The following CTNNA2 variants were observed in gnomAD, a reference collection of about 807,000 sequenced individuals.
CTNNA2 encodes the protein catenin alpha-2.
In CTNNA2, 42 loss-of-function variants were observed where a neutral mutation model predicts 101.0. The observed-to-expected ratio is 0.42, with a 90% CI of 0.32 to 0.54. The LOEUF (loss-of-function observed/expected upper bound fraction) is 0.54. Ranked by LOEUF, CTNNA2 falls within the 20% of genes least tolerant of loss-of-function variation. CTNNA2 has a pLI of 0.14. For synonymous variants in CTNNA2, 450 were observed against 456.4 expected, an observed-to-expected ratio of 0.99 and a Z score of 0.18; for missense variants, 871 against 1,223.1, an observed-to-expected ratio of 0.71 and a Z score of 4.29.
rs529711522 is a variant in CTNNA2, at chr2:80,562,846, A to C, written c.1741+6953A>C. ...TGTATAACATGTTCCATTTATTTTC[A>C]AAAAAGGTAAATTATATAACACAGG... On this transcript the variant is annotated intron_variant, in intron 12 of 18. Transcript: ENST00000402739. 2.3e-3 allele frequency among the ~76,000 whole-genome samples: 349 copies of C among 152,266 alleles called. 1 individual carries two copies. Among genetic ancestry groups the C allele is most frequent in the African/African-American group, 7.9e-3 (330 of 41,546 alleles).
intron 2 of CTNNA2, among the ~76,000 whole-genome samples, chr2:79,698,254 G>A (rs1684769242): frequency 6.6e-6 from 1 of 151,872 alleles, no homozygotes; most frequent in African/African-American, 2.4e-5. Flanking sequence ...TAATATTTTG[G>A]AATTGTTCAA....
chr2:79,658,112 TA>T (rs1681750234), intron 2 of CTNNA2, among the ~76,000 whole-genome samples: 1 of 151,984 alleles, frequency 6.6e-6, no homozygotes, highest in Non-Finnish European at 1.5e-5. Flanking sequence ...TAAGGTCAAT[TA>T]TTTTTTTCTG....
intron 7 of CTNNA2, among the ~76,000 whole-genome samples, chr2:80,273,908 A>C (rs1673696594): frequency 6.6e-6 from 1 of 151,772 alleles, no homozygotes; most frequent in South Asian, 2.1e-4. Context: ...TTTCTCTCCC[A>C]CTAGAATGAA....
chr2:80,375,510 G>A (rs1675858356), intron 7 of CTNNA2, among the ~76,000 whole-genome samples: 1 of 151,490 alleles, frequency 6.6e-6, no homozygotes, highest in South Asian at 2.1e-4. Flanking sequence ...CAGACTTATA[G>A]CTGGTTTTAC....
At chr2:80,230,758 G>A (rs1433724325) in intron 7 of CTNNA2, among the ~76,000 whole-genome samples, 1 of 152,148 alleles carries the variant, frequency 6.6e-6, no homozygotes, top group South Asian at 2.1e-4. Flanking sequence ...AAATCACAGA[G>A]AATTCCAGGG....
At chr2:79,325,910 A>T (rs1423304201) in intron 3 of CTNNA2, among the ~76,000 whole-genome samples, 1 of 152,188 alleles carries the variant, frequency 6.6e-6, no homozygotes, top group Admixed American at 6.5e-5. Flanking sequence ...ATGTTTAGGA[A>T]TGTGGGTGTG....
intron 1 of CTNNA2, among the ~76,000 whole-genome samples, chr2:79,544,529 A>AT (rs1673615095): frequency 6.6e-6 from 1 of 152,186 alleles, no homozygotes; most frequent in Non-Finnish European, 1.5e-5. Flanking sequence ...AGCATAGAAG[A>AT]TAGGTAAGAC....
chr2:79,751,485 A>G (rs1020576247), intron 3 of CTNNA2, among the ~76,000 whole-genome samples: 5 of 149,150 alleles, frequency 3.4e-5, no homozygotes, highest in African/African-American at 4.9e-5. Flanking sequence ...AGCTCCAGAT[A>G]GGCGGGAGGC....
chr2:79,743,040 C>T (rs72927440), intron 2 of CTNNA2, among the ~76,000 whole-genome samples: 14,649 of 152,138 alleles, frequency 0.096, 806 homozygotes, highest in African/African-American at 0.12. Context: ...TTGGAGTAAA[C>T]CTCAGAAGCT....
intron 7 of CTNNA2, among the ~76,000 whole-genome samples, chr2:79,988,581 A>AAGT (rs1691939332): frequency 6.6e-6 from 1 of 152,096 alleles, no homozygotes; most frequent in African/African-American, 2.4e-5. Context: ...ATTTAACCTC[A>AAGT]AGTAATTCTG....
intron 7 of CTNNA2, among the ~76,000 whole-genome samples, chr2:80,174,739 T>C (rs1705288922): frequency 6.6e-6 from 1 of 152,162 alleles, no homozygotes; most frequent in Admixed American, 6.6e-5. Context: ...GTTATCTTTC[T>C]CTCTTTTCCT....
At chr2:80,597,666 T>C (rs1186764679) in intron 15 of CTNNA2, among the ~76,000 whole-genome samples, 3 of 152,162 alleles carry the variant, frequency 2.0e-5, no homozygotes, top group South Asian at 2.1e-4. Context: ...GCAAAGGATA[T>C]GAACAGACAC....
At chr2:79,701,997 CAAAAAAAAAAAA>C (rs58716617) in intron 2 of CTNNA2, among the ~76,000 whole-genome samples, 3 of 75,436 alleles carry the variant, frequency 4.0e-5, no homozygotes, top group African/African-American at 1.1e-4. Flanking sequence ...GACTCTGTCT[CAAAAAAAAAAAA>C]AAAAAAAAAA....
At chr2:80,053,406 A>G (rs1041891981) in intron 7 of CTNNA2, among the ~76,000 whole-genome samples, 4 of 152,230 alleles carry the variant, frequency 2.6e-5, no homozygotes, top group Admixed American at 6.5e-5. Flanking sequence ...AAATATCTCT[A>G]TCATATGAGA....
At chr2:79,358,441 T>G (rs1302571576) in intron 3 of CTNNA2, among the ~76,000 whole-genome samples, 2 of 151,990 alleles carry the variant, frequency 1.3e-5, no homozygotes, top group Non-Finnish European at 2.9e-5. Context: ...CTCAGGTGAT[T>G]CATCTGCCTC....
rs188265239 is a variant in CTNNA2, at chr2:79,993,412, T to C, written c.1056+83615T>C. Among the ~76,000 whole-genome samples the C allele has an allele frequency of 1.9e-4, 29 of 151,800 alleles. No individual in the cohort carries two copies. The East Asian group carries it at 3.3e-3, about 17-fold the overall frequency. On this transcript the variant is annotated intron_variant, in intron 7 of 18. Transcript: ENST00000402739. ...CAGCTCTTGGCACATCTTCAGACTTTGTTTGGTCTAAAACCAAGAATGGAA... is the reference window on the plus strand; with the variant it reads ...CAGCTCTTGGCACATCTTCAGACTTCGTTTGGTCTAAAACCAAGAATGGAA...
At chr2:80,526,070 T>TA (rs1322934344) in intron 9 of CTNNA2, among the ~76,000 whole-genome samples, 19 of 152,236 alleles carry the variant, frequency 1.2e-4, no homozygotes, top group African/African-American at 4.3e-4. Flanking sequence ...TGGTGAGCAA[T>TA]AAATGAGCAT....
chr2:80,552,634 C>T (rs1692669294), intron 11 of CTNNA2, among the ~76,000 whole-genome samples: 2 of 152,122 alleles, frequency 1.3e-5, no homozygotes, highest in South Asian at 4.1e-4. Context: ...ACATCACATA[C>T]TGTATTTACA....
At chr2:79,902,917 G>A (rs997867415) in intron 6 of CTNNA2, among the ~76,000 whole-genome samples, 14 of 152,226 alleles carry the variant, frequency 9.2e-5, no homozygotes, top group Admixed American at 9.2e-4. Flanking sequence ...GAGCCACTGC[G>A]CCCGGTCAGC....
Sources: gnomAD v4.1 joint callset for allele counts (sites outside exome capture counted in the v4.1 genomes callset) on GRCh38, gnomAD v4.1.1 for gene constraint, MANE v1.5 for transcripts, NCBI Gene and HGNC (gene_info 2026-07-23, HGNC 2026-07-21) for gene names.